BAZ1A: variants seen among roughly 807,000 people sequenced by gnomAD.
BAZ1A encodes bromodomain adjacent to zinc finger domain protein 1A.
BAZ1A carries 50 observed loss-of-function variants against 185.2 expected under a neutral mutation model. That is an observed-to-expected ratio of 0.27 (90% confidence interval 0.22 to 0.34). The LOEUF is 0.34. Among genes scored for constraint, BAZ1A ranks in the 10% least tolerant of loss-of-function variants. BAZ1A has a pLI of 1.00. For synonymous variants in BAZ1A, 571 were observed against 615.6 expected, an observed-to-expected ratio of 0.93 and a Z score of 1.07; for missense variants, 1,356 against 1,839.9, an observed-to-expected ratio of 0.74 and a Z score of 4.81.
intron 12 of BAZ1A, among the ~76,000 whole-genome samples, chr14:34,787,351 CAAAAAAAAAAAA>C (rs918534072): frequency 4.8e-5 from 2 of 41,490 alleles, no homozygotes; most frequent in Non-Finnish European, 1.1e-4. Context: ...GACTCTGTCT[CAAAAAAAAAAAA>C]AAAAAGAAAA....
intron 11 of BAZ1A, 130 bp downstream of exon 11, chr14:34,794,619 G>T: frequency 1.2e-6 from 1 of 862,344 alleles, no homozygotes; most frequent in Non-Finnish European, 1.7e-6. Flanking sequence ...AAGCCATTTT[G>T]AACATCTAGC....
Position 34,765,092 on chromosome 14 carries a change from C to T in BAZ1A, c.3478G>A (p.Ala1160Thr), listed in dbSNP as rs779518198. 1.2e-5 allele frequency: 20 copies of T among 1,614,192 alleles called. No individual in the cohort carries two copies. The highest frequency in any genetic ancestry group is 1.7e-5 in the Non-Finnish European group (20 of 1,180,032). The change falls in exon 22 of 27, where the codon GCT becomes ACT. Residue 1160 changes from alanine to threonine, a missense_variant. Around this residue, in one of 7 missense-constraint regions of BAZ1A, gnomAD observed 309 missense variants for 355.3 expected, o/e 0.87. Transcript: ENST00000360310. ...CCATCACAAAGAACCATGTTTTCAG[C>T]ATCGCCTTTCTTTCGACATATCTTG... is the stretch of plus-strand genomic sequence containing the variant. ...RCKICRKKGDAENMVLCDGCD... is the reference protein window; with the variant it reads ...RCKICRKKGDTENMVLCDGCD...
chr14:34,804,644 A>T (rs542747911), intron 6 of BAZ1A, among the ~76,000 whole-genome samples: 110 of 152,350 alleles, frequency 7.2e-4, no homozygotes, highest in African/African-American at 2.5e-3. Flanking sequence ...ATATAACCTC[A>T]GAATTATGTG....
At chr14:34,799,763 T>C (rs1405202960) in intron 9 of BAZ1A, among the ~76,000 whole-genome samples, 2 of 151,978 alleles carry the variant, frequency 1.3e-5, no homozygotes, top group Non-Finnish European at 1.5e-5. Flanking sequence ...AGGCGCATAC[T>C]ACCATGCCCG....
intron 17 of BAZ1A, among the ~76,000 whole-genome samples, chr14:34,777,573 G>A (rs551584643): frequency 2.0e-5 from 3 of 151,890 alleles, no homozygotes; most frequent in Admixed American, 1.3e-4. Context: ...GAACCCAGGA[G>A]GGGGAGGTTG....
At chr14:34,795,786 A>T in intron 9 of BAZ1A, 21 bp from the exon 10 acceptor site, 1 of 1,560,472 alleles carries the variant, frequency 6.4e-7, no homozygotes. Context: ...TTAAAAGTTA[A>T]TAACAATTCA....
intron 6 of BAZ1A, 119 bp downstream of exon 6, chr14:34,807,332 A>G: frequency 1.6e-6 from 1 of 634,626 alleles, no homozygotes; most frequent in Non-Finnish European, 2.4e-6. Flanking sequence ...AATTGGCTCC[A>G]GATTAAAAGA....
chr14:34,783,036 G>T, intron 16 of BAZ1A, 83 bp downstream of exon 16: 1 of 1,087,656 alleles, frequency 9.2e-7, no homozygotes, highest in Non-Finnish European at 1.4e-6. Context: ...CTAAAAATGT[G>T]AAAGCATTTT....
chr14:34,842,481 T>A (rs534536479), intron 3 of BAZ1A, among the ~76,000 whole-genome samples: 3 of 152,294 alleles, frequency 2.0e-5, no homozygotes, highest in African/African-American at 7.2e-5. Flanking sequence ...TATTGAAGCA[T>A]TTTTCTCTTT....
At chr14:34,837,671 T>C (rs1459810988) in intron 3 of BAZ1A, among the ~76,000 whole-genome samples, 1 of 152,230 alleles carries the variant, frequency 6.6e-6, no homozygotes, top group Non-Finnish European at 1.5e-5. Flanking sequence ...AAGTATCTTA[T>C]TAAAGCCTTA....
chr14:34,756,667 T>C (rs1886265021), intron 25 of BAZ1A, among the ~76,000 whole-genome samples: 1 of 151,704 alleles, frequency 6.6e-6, no homozygotes, highest in African/African-American at 2.4e-5. Context: ...GGTTTTGTCA[T>C]GTTGGCAAGG....
chr14:34,841,391 C>T (rs73249198), intron 3 of BAZ1A, among the ~76,000 whole-genome samples: 96 of 152,028 alleles, frequency 6.3e-4, no homozygotes, highest in African/African-American at 2.1e-3. Flanking sequence ...ATAAGACTTA[C>T]CTGTGTTTTC....
intron 7 of BAZ1A, 24 bp downstream of exon 7, chr14:34,802,830 A>T: frequency 1.3e-6 from 2 of 1,597,880 alleles, no homozygotes; most frequent in Middle Eastern, 1.7e-4. Context: ...GTGAAAATGT[A>T]GTTTTAATCA....
intron 4 of BAZ1A, among the ~76,000 whole-genome samples, chr14:34,821,687 G>C (rs1392822314): frequency 6.6e-6 from 1 of 152,180 alleles, no homozygotes; most frequent in Non-Finnish European, 1.5e-5. Flanking sequence ...AGACAAATTA[G>C]TTAAAAATAA....
intron 12 of BAZ1A, among the ~76,000 whole-genome samples, chr14:34,788,863 A>G (rs1431890565): frequency 2.6e-5 from 4 of 152,126 alleles, no homozygotes; most frequent in African/African-American, 9.7e-5. Context: ...GCCTTCTACT[A>G]TATGACTCCC....
intron 5 of BAZ1A, among the ~76,000 whole-genome samples, chr14:34,807,973 C>T (rs111348954): frequency 0.063 from 9,608 of 151,764 alleles, 412 homozygotes; most frequent in Non-Finnish European, 0.098. Context: ...GGTGTGGTGG[C>T]GCGTGCCTGT....
In BAZ1A at chr14:34,785,748, T is replaced by G. The variant is rs1312137834; in HGVS notation, c.1831+29A>C. 1.9e-6 allele frequency: 3 copies of G among 1,597,562 alleles called. No homozygotes were observed. In the African/African-American group the frequency reaches 4.0e-5, roughly 21 times the overall value. On this transcript the variant is annotated intron_variant, in intron 14 of 26. Transcript: ENST00000360310. ...GCATAAGAGGGAGGAAGTGGGCAGG[T>G]TATGCAAATTCCAACTTGCAAAGCT...
intron 25 of BAZ1A, among the ~76,000 whole-genome samples, chr14:34,756,183 G>A (rs1315365813): frequency 6.8e-6 from 1 of 147,628 alleles, no homozygotes; most frequent in African/African-American, 2.5e-5. Context: ...GCACGATCTC[G>A]GCTCACTGCA....
intron 20 of BAZ1A, among the ~76,000 whole-genome samples, chr14:34,773,205 T>C (rs1879342092): frequency 6.6e-6 from 1 of 152,174 alleles, no homozygotes; most frequent in South Asian, 2.1e-4. Context: ...CCATCTTGCC[T>C]GGCTCAAATA....
Sources: gnomAD v4.1 joint callset for allele counts (sites outside exome capture counted in the v4.1 genomes callset) on GRCh38, gnomAD v4.1.1 for gene constraint, gnomAD v4.1.1 regional missense constraint, MANE v1.5 for transcripts, NCBI Gene and HGNC (gene_info 2026-07-23, HGNC 2026-07-21) for gene names.